The following JMJD1C variants were observed in gnomAD, a reference collection of about 807,000 sequenced individuals.
JMJD1C encodes the protein jumonji domain containing 1C, also known as jumonji domain-containing protein 1C.
In JMJD1C, 31 loss-of-function variants were observed where a neutral mutation model predicts 245.3. The observed-to-expected ratio is 0.13, with a 90% CI of 0.09 to 0.17. JMJD1C has a LOEUF of 0.17. JMJD1C is among the 10% of genes least tolerant of loss of function. The pLI, the probability that JMJD1C is intolerant of heterozygous loss-of-function variation, is 1.00. For missense variants in JMJD1C, 2,691 were observed against 3,000.2 expected (o/e 0.90, Z 2.41); for synonymous variants, 1,057 against 1,017.4 (o/e 1.04, Z -0.74).
intron 1 of JMJD1C, among the ~76,000 whole-genome samples, chr10:63,437,615 T>C (rs1951130137): frequency 6.6e-6 from 1 of 152,172 alleles, no homozygotes; most frequent in Admixed American, 6.5e-5. Flanking sequence ...AAATCTTATC[T>C]TCCTCCTAAA....
intron 2 of JMJD1C, among the ~76,000 whole-genome samples, chr10:63,322,802 C>CAA (rs58263377): frequency 7.2e-4 from 53 of 73,742 alleles, no homozygotes; most frequent in African/African-American, 1.8e-3. Context: ...GATTCCATCT[C>CAA]AAAAAAAAAA....
At chr10:63,464,852 G>A (rs189742319) in intron 1 of JMJD1C, among the ~76,000 whole-genome samples, 1 of 152,144 alleles carries the variant, frequency 6.6e-6, no homozygotes, top group Non-Finnish European at 1.5e-5. Flanking sequence ...GACAGAAAGA[G>A]AGATTACCCT....
At chr10:63,252,178 A>G (rs1400511418) in intron 3 of JMJD1C, among the ~76,000 whole-genome samples, 1 of 152,242 alleles carries the variant, frequency 6.6e-6, no homozygotes, top group Non-Finnish European at 1.5e-5. Context: ...AGAGGTACAG[A>G]TTCCTACTAT....
At chr10:63,364,429 A>C (rs1383266991) in intron 2 of JMJD1C, among the ~76,000 whole-genome samples, 1 of 152,192 alleles carries the variant, frequency 6.6e-6, no homozygotes. Flanking sequence ...TGTGACCATT[A>C]TCTCTTACTG....
intron 1 of JMJD1C, chr10:63,427,296 G>A (rs556719763): frequency 3.7e-5 from 28 of 760,176 alleles, no homozygotes; most frequent in South Asian, 1.9e-4. Context: ...CAGCCGGGAC[G>A]ATGGTGAAGT....
chr10:63,438,527 C>T (rs1046690037), intron 1 of JMJD1C, among the ~76,000 whole-genome samples: 3 of 152,078 alleles, frequency 2.0e-5, no homozygotes, highest in Non-Finnish European at 4.4e-5. Flanking sequence ...CTCGTTCATG[C>T]CTTCCCATCT....
intron 1 of JMJD1C, among the ~76,000 whole-genome samples, chr10:63,412,138 GC>G: frequency 6.6e-6 from 1 of 152,178 alleles, no homozygotes; most frequent in East Asian, 1.9e-4. Flanking sequence ...ACTGAGGACA[GC>G]CCGCCCAGTC....
At chr10:63,356,032 G>A (rs371171193) in intron 2 of JMJD1C, among the ~76,000 whole-genome samples, 80 of 152,146 alleles carry the variant, frequency 5.3e-4, no homozygotes, top group African/African-American at 1.9e-3. Context: ...CCAATGTGAG[G>A]AAAAATTAAG....
At chr10:63,270,118 T>C (rs976484882) in intron 2 of JMJD1C, among the ~76,000 whole-genome samples, 6 of 152,182 alleles carry the variant, frequency 3.9e-5, no homozygotes, top group Non-Finnish European at 8.8e-5. Flanking sequence ...AAATCACACA[T>C]GTAGCTCACA....
chr10:63,195,106 G>A lies in JMJD1C; in HGVS notation c.5645-731C>T, dbSNP rs372065550. Among the ~76,000 whole-genome samples, 10 of 152,120 alleles carry A rather than the reference G, an allele frequency of 6.6e-5. No individual in the cohort carries two copies. The East Asian group carries it at 1.2e-3, about 18-fold the overall frequency. The stretch of plus-strand genomic sequence containing the variant: ...ACAGTGGCTCACACCTGTAATCCCA[G>A]CATTTTGGGAGGCCAAGGCAGCGGA... On this transcript the variant is annotated intron_variant, in intron 13 of 25. Coordinates refer to ENST00000399262, the MANE Select transcript of JMJD1C (RefSeq NM_032776.3).
chr10:63,183,842 T>C (rs565911037), intron 21 of JMJD1C, among the ~76,000 whole-genome samples: 1 of 152,348 alleles, frequency 6.6e-6, no homozygotes, highest in African/African-American at 2.4e-5. Flanking sequence ...TGTTAATTCC[T>C]AACATGTTGC....
intron 3 of JMJD1C, among the ~76,000 whole-genome samples, chr10:63,228,275 T>C (rs1055552585): frequency 1.3e-5 from 2 of 152,196 alleles, no homozygotes; most frequent in Non-Finnish European, 2.9e-5. Flanking sequence ...GTTTCTATAT[T>C]AGCATTCTAT....
rs531229810 is a variant in JMJD1C at position 63,335,832 on chromosome 10, A to C, written c.333+44486T>G. ...GGCATAATATTTTCCTAAAAAAAAA[A>C]CACTTTGGCTGGGCACCGTGGCTCA... On this transcript the variant is annotated intron_variant, in intron 2 of 25. Coordinates refer to ENST00000399262, the MANE Select transcript of JMJD1C (RefSeq NM_032776.3). Among the ~76,000 whole-genome samples the C allele has an allele frequency of 1.1e-3, 175 of 152,182 alleles. 1 individual carries two copies. The highest frequency in any genetic ancestry group is 4.1e-3 in the African/African-American group (172 of 41,548).
At chr10:63,482,820 T>C (rs1953870930) in intron 1 of JMJD1C, among the ~76,000 whole-genome samples, 1 of 152,138 alleles carries the variant, frequency 6.6e-6, no homozygotes, top group Admixed American at 6.6e-5. Context: ...GGGGATCACA[T>C]AATGAACACA....
At chr10:63,442,399 G>C (rs1951443344) in intron 1 of JMJD1C, among the ~76,000 whole-genome samples, 1 of 152,128 alleles carries the variant, frequency 6.6e-6, no homozygotes, top group African/African-American at 2.4e-5. Context: ...AAGAAAGTAT[G>C]TGTATTCATA....
intron 2 of JMJD1C, among the ~76,000 whole-genome samples, chr10:63,367,482 G>C (rs1280952547): frequency 6.6e-6 from 1 of 152,070 alleles, no homozygotes; most frequent in Non-Finnish European, 1.5e-5. Flanking sequence ...TCAACCTCAG[G>C]TGATCTGCCA....
chr10:63,407,002 A>C (rs1949209912), intron 1 of JMJD1C, among the ~76,000 whole-genome samples: 1 of 152,044 alleles, frequency 6.6e-6, no homozygotes, highest in Non-Finnish European at 1.5e-5. Flanking sequence ...ACTTAGTGGA[A>C]AAAAAAAGAA....
At position 63,479,614 on chromosome 10, in the gene JMJD1C, C is replaced by T. The variant is rs1028570066; in HGVS notation, n.113+42124G>A. On this transcript the variant is annotated intron_variant and non_coding_transcript_variant, in intron 1 of 3. Transcript: ENST00000633035. ...ATTTGTCCTGGAGAATTTCCCATAT[C>T]CTAAATTCAGCTAACTGTTCCCTCA... Among the ~76,000 whole-genome samples, 5 of 152,226 alleles carry T rather than the reference C, an allele frequency of 3.3e-5. No individual in the cohort carries two copies. The East Asian group carries it at 9.7e-4, about 29-fold the overall frequency.
chr10:63,227,068 A>G (rs1166184467), intron 3 of JMJD1C, among the ~76,000 whole-genome samples: 1 of 152,148 alleles, frequency 6.6e-6, no homozygotes, highest in Non-Finnish European at 1.5e-5. Flanking sequence ...ACTCTCAAAG[A>G]AAAGGTTAAA....
Sources: allele counts gnomAD v4.1 joint callset (sites outside exome capture counted in the v4.1 genomes callset), GRCh38; gene constraint gnomAD v4.1.1; transcripts MANE v1.5; gene names NCBI Gene and HGNC (gene_info 2026-07-23, HGNC 2026-07-21).